The following BAZ2A variants were observed in gnomAD, a reference collection of about 807,000 sequenced individuals.
The protein encoded by BAZ2A is bromodomain adjacent to zinc finger domain protein 2A.
A neutral mutation model predicts 199.9 loss-of-function variants in BAZ2A; 34 were observed. That is an observed-to-expected ratio of 0.17 (90% CI 0.13 to 0.23). The LOEUF (loss-of-function observed/expected upper bound fraction) is 0.23, where lower values mean the gene tolerates loss of function less well. Ranked by LOEUF, BAZ2A falls within the 10% of genes least tolerant of loss-of-function variation. The probability of loss-of-function intolerance (pLI) is 1.00; values close to 1 mark genes in which losing one functional copy is unlikely to be tolerated. For missense variants in BAZ2A, 2,002 were observed against 2,391.1 expected, an observed-to-expected ratio of 0.84 and a Z score of 3.39; for synonymous variants, 857 against 883.9, an observed-to-expected ratio of 0.97 and a Z score of 0.54.
At position 56,600,380 on chromosome 12, in the gene BAZ2A, C is replaced by T; in HGVS notation, c.4713G>A (p.Leu1571=). ...ITWRGRGREG[L]APQRKTTNPL... is the part of the protein sequence containing the mutation. ...GGTTGGTAGTTTTACGCTGAGGTGCCAGTCCCTCCCTGCCCCGACCTCGCC... is the reference window on the plus strand; with the variant it reads ...GGTTGGTAGTTTTACGCTGAGGTGCTAGTCCCTCCCTGCCCCGACCTCGCC... Residue 1571 remains leucine, a synonymous_variant, in exon 24 of 29, where the codon CTG becomes CTA. Transcript: ENST00000549884. 6.2e-7 allele frequency: 1 copy of T among 1,614,028 alleles called. No homozygotes were observed. Among genetic ancestry groups the T allele is most frequent in the Non-Finnish European group, 8.5e-7 (1 of 1,179,900 alleles).
Position 56,598,437 on chromosome 12 carries a change from G to A in BAZ2A, c.*181C>T. On this transcript the variant is annotated 3_prime_UTR_variant, in exon 29 of 29. Coordinates refer to ENST00000549884, the MANE Select transcript of BAZ2A (RefSeq NM_001300905.2). ...ACCTCTTACTTGAGGAGCAAGAGGA[G>A]GGAAGGGAGAAAGGGATGTAGGAAT... 2.7e-6 allele frequency: 2 copies of A among 731,464 alleles called. No homozygotes were observed. Among genetic ancestry groups the A allele is most frequent in the South Asian group, 3.9e-5 (2 of 51,730 alleles). The allele number at this position is 731,464 out of a possible 1,614,324, so 45.3% of individuals were successfully genotyped here.
intron 1 of BAZ2A, among the ~76,000 whole-genome samples, chr12:56,617,944 G>C (rs1278443639): frequency 6.6e-6 from 1 of 152,056 alleles, no homozygotes; most frequent in African/African-American, 2.4e-5. Context: ...GCCCACAAAA[G>C]GTTCTCAAAG....
chr12:56,621,969 C>T (rs959604056), intron 1 of BAZ2A, among the ~76,000 whole-genome samples: 1 of 151,690 alleles, frequency 6.6e-6, no homozygotes, highest in Non-Finnish European at 1.5e-5. Context: ...GGATTACAGG[C>T]GTGAGCCACC....
intron 4 of BAZ2A, 34 bp downstream of exon 4, chr12:56,613,919 G>T: frequency 6.3e-7 from 1 of 1,593,422 alleles, no homozygotes; most frequent in South Asian, 1.1e-5. Context: ...TACTCTGCAT[G>T]GATAAGTTAA....
chr12:56,605,780 A>C, intron 13 of BAZ2A, 50 bp downstream of exon 13: 1 of 1,513,386 alleles, frequency 6.6e-7, no homozygotes, highest in Non-Finnish European at 8.9e-7. Flanking sequence ...TTTTTTTTTA[A>C]AGGAAAGTCT....
rs768664221 is a variant in BAZ2A at position 56,604,773 on chromosome 12, C to T, written c.2775G>A (p.Val925=). The change falls in exon 15 of 29, where the codon GTG becomes GTA. Residue 925 remains valine (V), a synonymous_variant. Coordinates refer to ENST00000549884, the MANE Select transcript of BAZ2A (RefSeq NM_001300905.2). ...CQSLKILGEK[V]SEIPLTRDNV... is the part of the protein sequence containing the mutation. ...TGTCTCTTGTCAGTGGGATCTCAGACACCTTCTCCCCCAAGATCTTTAGGG... is the reference window on the plus strand; with the variant it reads ...TGTCTCTTGTCAGTGGGATCTCAGATACCTTCTCCCCCAAGATCTTTAGGG... The T allele has an allele frequency of 1.9e-6, 3 of 1,613,694 alleles. No homozygotes were observed. The highest frequency in any genetic ancestry group is 4.5e-5 in the East Asian group (2 of 44,894).
At position 56,599,863 on chromosome 12, in the gene BAZ2A, TGAG is replaced by T. The variant is rs780501239; in HGVS notation, c.5026-18_5026-16del. 2 of 1,613,890 alleles carry T rather than the reference TGAG, an allele frequency of 1.2e-6. No homozygotes were observed. Among genetic ancestry groups the T allele is most frequent in the Admixed American group, 3.3e-5 (2 of 60,002 alleles). ...ACTAGACATGTCTGGACCAAGGTTG[TGAG>T]GAGGCAGAATGAGCTCTCCAGCCTC... On this transcript the variant is annotated splice_polypyrimidine_tract_variant and intron_variant, in intron 25 of 28. Coordinates refer to ENST00000549884, the MANE Select transcript of BAZ2A (RefSeq NM_001300905.2).
At chr12:56,609,630 G>C in intron 10 of BAZ2A, 106 bp downstream of exon 10, 3 of 1,222,568 alleles carry the variant, frequency 2.5e-6, no homozygotes, top group South Asian at 1.4e-5. Context: ...ATTCTTCCCA[G>C]ATAATGTTAG....
chr12:56,611,499 AG>A, intron 7 of BAZ2A, 73 bp downstream of exon 7: 1 of 1,452,986 alleles, frequency 6.9e-7, no homozygotes, highest in Non-Finnish European at 9.7e-7. Context: ...AGAGGAAAAG[AG>A]GCATTCCCTT....
intron 1 of BAZ2A, among the ~76,000 whole-genome samples, chr12:56,626,575 T>C (rs936280983): frequency 6.6e-5 from 10 of 152,208 alleles, no homozygotes; most frequent in Non-Finnish European, 1.2e-4. Flanking sequence ...ATTTTTTCTT[T>C]CATCGAGAAG....
rs769533890 is a variant in BAZ2A, at chr12:56,601,104, A to G, written c.4295-6T>C. The G allele has an allele frequency of 1.2e-6, 2 of 1,613,664 alleles. No individual in the cohort carries two copies. The highest frequency in any genetic ancestry group is 1.7e-6 in the Non-Finnish European group (2 of 1,179,762). ...CCACCAGCCTGAGCACATCTCTGTG[A>G]GCAGATGAGATATATGTGGGGCGCC... On this transcript the variant is annotated splice_region_variant and splice_polypyrimidine_tract_variant and intron_variant, in intron 21 of 28. Transcript: ENST00000549884.
Position 56,606,641 on chromosome 12 carries a change from G to C in BAZ2A, c.2185C>G (p.Gln729Glu). ...TCTCTGATGTCCCTCACCTGCCCTT[G>C]GATAGTAGTCTGACACTCTCCCCGT... ...VQRGECQTTI[Q>E]GQARNKRKQE... is the part of the protein sequence containing the mutation. The change falls in exon 11 of 29, where the codon CAA (glutamine) becomes GAA (glutamate). Residue 729 changes from glutamine (Q) to glutamate (E), a missense_variant. Physicochemically the swap from Gln to Glu is conservative, Grantham distance 29 (BLOSUM62 2). Coordinates refer to ENST00000549884, the MANE Select transcript of BAZ2A (RefSeq NM_001300905.2). 1 of 1,613,506 alleles carries C rather than the reference G, an allele frequency of 6.2e-7. No homozygotes were observed. Among genetic ancestry groups the C allele is most frequent in the Non-Finnish European group, 8.5e-7 (1 of 1,179,546 alleles).
Position 56,598,927 on chromosome 12 carries a change from C to T in BAZ2A, c.5487G>A (p.Arg1829=), listed in dbSNP as rs1267047184. Residue 1829 remains arginine (R), a synonymous_variant, in exon 28 of 29, where the codon CGG becomes CGA. Coordinates refer to ENST00000549884, the MANE Select transcript of BAZ2A (RefSeq NM_001300905.2). ...PVNPRLVSGY[R]RIIKNPMDFS... is the part of the protein sequence containing the mutation. ...AATCCATAGGATTTTTGATGATGCG[C>T]CGGTACCCACTCACCAAACGTGGGT... The T allele has an allele frequency of 6.2e-7, 1 of 1,606,524 alleles. No homozygotes were observed. Among genetic ancestry groups the T allele is most frequent in the African/African-American group, 1.3e-5 (1 of 74,730 alleles).
At chr12:56,612,959 T>C (rs1950609172) in intron 5 of BAZ2A, 56 bp downstream of exon 5, 2 of 1,524,386 alleles carry the variant, frequency 1.3e-6, no homozygotes, top group Non-Finnish European at 9.0e-7. Context: ...ATGAAACTTA[T>C]TCTCTCATCT....
rs1885875450 is a variant in BAZ2A at position 56,596,780 on chromosome 12, C to T, written c.*1838G>A. On this transcript the variant is annotated 3_prime_UTR_variant, in exon 29 of 29. Transcript: ENST00000549884. Reference sequence around the variant, plus strand: ...CCACCTCTTAAAAGCAAAAAAAAATCTCAAATAAAATTAAAAGTTTTGAGG... The same window carrying T: ...CCACCTCTTAAAAGCAAAAAAAAATTTCAAATAAAATTAAAAGTTTTGAGG... 1 of 152,068 alleles carries T rather than the reference C, an allele frequency of 6.6e-6. No individual in the cohort carries two copies. Among genetic ancestry groups the T allele is most frequent in the African/African-American group, 2.4e-5 (1 of 41,078 alleles). The allele number at this position is 152,068 out of a possible 1,614,324, so 9.4% of individuals were successfully genotyped here. A position where few individuals can be genotyped will look rare whatever the true frequency, so the allele number is the denominator to read the frequency against.
At chr12:56,614,343 G>A (rs974710258) in intron 3 of BAZ2A, 1 of 523,732 alleles carries the variant, frequency 1.9e-6, no homozygotes. Flanking sequence ...GCAAAGAGAG[G>A]AAAAGAGAGT....
At chr12:56,629,795 G>A (rs1459695691) in intron 1 of BAZ2A, among the ~76,000 whole-genome samples, 1 of 148,440 alleles carries the variant, frequency 6.7e-6, no homozygotes, top group Admixed American at 6.7e-5. Context: ...GCCCCTCCCG[G>A]GGATTCCACC....
chr12:56,604,310 T>C lies in BAZ2A; in HGVS notation c.2964-19A>G, dbSNP rs765630247. 1 of 1,597,036 alleles carries C rather than the reference T, an allele frequency of 6.3e-7. No individual in the cohort carries two copies. The highest frequency in any genetic ancestry group is 1.7e-5 in the Admixed American group (1 of 57,924). ...AATCTCACTGCAGGGGAATAGGGAATAGGATGAAGTGGCAGCACAAAAAAA... is the reference window on the plus strand; with the variant it reads ...AATCTCACTGCAGGGGAATAGGGAACAGGATGAAGTGGCAGCACAAAAAAA... On this transcript the variant is annotated intron_variant, in intron 15 of 28. Transcript: ENST00000549884.
chr12:56,601,608 G>A lies in BAZ2A; in HGVS notation c.4009C>T (p.Pro1337Ser), dbSNP rs1239078552. The A allele has an allele frequency of 1.2e-6, 2 of 1,613,964 alleles. No individual in the cohort carries two copies. The highest frequency in any genetic ancestry group is 1.1e-5 in the South Asian group (1 of 91,082). ...GGTTGGTCCTCAGAAACTGCAGGGG[G>A]CGGTGTGGGGGCAGCATTGCAGGGC... ...QMPCNAAPTP[P>S]PAVSEDQPTP... The change falls in exon 20 of 29, where the codon CCC becomes TCC. Residue 1337 changes from proline to serine, a missense_variant. Physicochemically the swap from Pro to Ser is moderately conservative, Grantham distance 74 (BLOSUM62 -1). Coordinates refer to ENST00000549884, the MANE Select transcript of BAZ2A (RefSeq NM_001300905.2).
Sources: allele counts gnomAD v4.1 joint callset (sites outside exome capture counted in the v4.1 genomes callset), GRCh38; gene constraint gnomAD v4.1.1; transcripts MANE v1.5; gene names NCBI Gene and HGNC (gene_info 2026-07-23, HGNC 2026-07-21).